EDNRB: variants seen among roughly 807,000 people sequenced by gnomAD.
EDNRB encodes Hirschsprung disease 2.
A neutral mutation model predicts 46.4 loss-of-function variants in EDNRB; 18 were observed. The observed-to-expected ratio is 0.39, with a 90% CI of 0.27 to 0.57. The LOEUF is 0.57. Among genes scored for constraint, EDNRB ranks in the 20% least tolerant of loss-of-function variants. The pLI is 0.61. For missense variants in EDNRB, 434 were observed against 537.5 expected (o/e 0.81, Z 1.90); for synonymous variants, 213 against 204.9 (o/e 1.04, Z -0.34).
intron 1 of EDNRB, among the ~76,000 whole-genome samples, chr13:77,904,912 G>A (rs376778346): frequency 6.6e-6 from 1 of 151,908 alleles, no homozygotes; most frequent in African/African-American, 2.4e-5. Flanking sequence ...AGACTCTACC[G>A]AGTTTGTCAA....
chr13:77,911,357 A>G (rs1360360714), intron 1 of EDNRB, among the ~76,000 whole-genome samples: 2 of 152,114 alleles, frequency 1.3e-5, no homozygotes, highest in African/African-American at 4.8e-5. Context: ...GGAGACTAAT[A>G]AGCTGTGATC....
At chr13:77,904,969 G>A (rs1879201867) in intron 1 of EDNRB, among the ~76,000 whole-genome samples, 1 of 151,952 alleles carries the variant, frequency 6.6e-6, no homozygotes, top group African/African-American at 2.4e-5. Flanking sequence ...AGGCTAAAAT[G>A]TTTGTCTCAT....
intron 1 of EDNRB, among the ~76,000 whole-genome samples, chr13:77,929,943 T>C (rs1880343043): frequency 6.6e-6 from 1 of 152,240 alleles, no homozygotes; most frequent in African/African-American, 2.4e-5. Context: ...TCATTTTTAC[T>C]AATATATGTT....
upstream of EDNRB, among the ~76,000 whole-genome samples, chr13:77,923,458 GCA>G (rs1265609936): frequency 6.6e-6 from 1 of 152,134 alleles, no homozygotes; most frequent in Non-Finnish European, 1.5e-5. Context: ...GTTTGTCAAT[GCA>G]CACTGTATTT....
At position 77,949,993 on chromosome 13, in the gene EDNRB, C is replaced by T. The variant is rs186197948; in HGVS notation, c.-52+25354G>A. On this transcript the variant is annotated intron_variant, in intron 1 of 7. Transcript: ENST00000646948. The stretch of plus-strand genomic sequence containing the variant: ...TACTCTGGATCTTGATCTGGAACTG[C>T]TATACCTCCTGCCTGATATATATCA... Among the ~76,000 whole-genome samples, 5 of 152,290 alleles carry T rather than the reference C, an allele frequency of 3.3e-5. No homozygotes were observed. The East Asian group carries it at 9.6e-4, about 29-fold the overall frequency.
At chr13:77,937,074 A>C (rs2137660255) in intron 1 of EDNRB, among the ~76,000 whole-genome samples, 1 of 152,318 alleles carries the variant, frequency 6.6e-6, no homozygotes, top group South Asian at 2.1e-4. Context: ...ATGCATATTA[A>C]GAATAAGGCG....
chr13:77,912,079 C>T (rs1379362130), intron 1 of EDNRB, among the ~76,000 whole-genome samples: 2 of 152,132 alleles, frequency 1.3e-5, no homozygotes, highest in Non-Finnish European at 2.9e-5. Context: ...AATTGAAGAA[C>T]ATGGCTCCCT....
chr13:77,949,340 C>T (rs1881022706), intron 1 of EDNRB, among the ~76,000 whole-genome samples: 1 of 152,196 alleles, frequency 6.6e-6, no homozygotes, highest in South Asian at 2.1e-4. Context: ...GAGCTTGGTA[C>T]TGCCCAATGC....
At chr13:77,962,500 A>G (rs1040359676) in intron 1 of EDNRB, among the ~76,000 whole-genome samples, 2 of 152,230 alleles carry the variant, frequency 1.3e-5, no homozygotes, top group Admixed American at 1.3e-4. Context: ...CAGCATATAA[A>G]CAGAACCAAA....
At chr13:77,905,856 C>A (rs775132102) in intron 1 of EDNRB, among the ~76,000 whole-genome samples, 4 of 151,928 alleles carry the variant, frequency 2.6e-5, no homozygotes, top group Non-Finnish European at 5.9e-5. Flanking sequence ...GAAGACTGAC[C>A]CAGCCCAAAT....
intron 1 of EDNRB, among the ~76,000 whole-genome samples, chr13:77,934,213 T>C (rs1200407480): frequency 6.6e-6 from 1 of 152,162 alleles, no homozygotes; most frequent in African/African-American, 2.4e-5. Context: ...GGAGCTTAAA[T>C]GGGCTGTACC....
intron 1 of EDNRB, among the ~76,000 whole-genome samples, chr13:77,945,723 C>T (rs1180599581): frequency 5.3e-5 from 8 of 152,108 alleles, no homozygotes; most frequent in Non-Finnish European, 8.8e-5. Context: ...TTGGAAGCCT[C>T]TGGCACCTAC....
chr13:77,919,342 C>T (rs757831108), upstream of EDNRB: 57 of 1,555,486 alleles, frequency 3.7e-5, no homozygotes, highest in Non-Finnish European at 4.8e-5. Flanking sequence ...AAACCGAAGC[C>T]CCAGAATAAG....
chr13:77,905,374 C>T (rs1008042890), intron 1 of EDNRB, among the ~76,000 whole-genome samples: 4 of 151,920 alleles, frequency 2.6e-5, no homozygotes, highest in African/African-American at 9.7e-5. Context: ...TTAAAAAACT[C>T]TCATATAACA....
At chr13:77,962,586 A>C (rs1881456078) in intron 1 of EDNRB, among the ~76,000 whole-genome samples, 1 of 152,046 alleles carries the variant, frequency 6.6e-6, no homozygotes, top group Non-Finnish European at 1.5e-5. Context: ...CATGCTAAAA[A>C]CTCTCAACAA....
In EDNRB at chr13:77,903,215, T is replaced by C. The variant is rs1879091616; in HGVS notation, c.742A>G (p.Lys248Glu). 4.3e-6 allele frequency: 7 copies of C among 1,612,922 alleles called. No individual in the cohort carries two copies. The highest frequency in any genetic ancestry group is 1.3e-5 in the African/African-American group (1 of 74,796). Residue 248 changes from lysine (K) to glutamate (E), a missense_variant, in exon 3 of 7, where the codon AAA (lysine) becomes GAA (glutamate). By Grantham distance (56) the Lys-to-Glu change is moderately conservative. Coordinates refer to ENST00000646607, the MANE Select transcript of EDNRB (RefSeq NM_001122659.3). ...IGFDIITMDYKGSYLRICLLH... is the reference protein window; with the variant it reads ...IGFDIITMDYEGSYLRICLLH... ...AAGCAGATTCGCAGATAACTTCCTT[T>C]GTAGTCCATCGTAATTATATCAAAA...
chr13:77,974,422 C>A (rs188177785), intron 1 of EDNRB, among the ~76,000 whole-genome samples: 2 of 152,116 alleles, frequency 1.3e-5, no homozygotes, highest in Non-Finnish European at 2.9e-5. Context: ...GGCCTCAGTG[C>A]TTTTGGGATA....
chr13:77,946,513 C>T (rs1880922273), intron 1 of EDNRB, among the ~76,000 whole-genome samples: 1 of 152,014 alleles, frequency 6.6e-6, no homozygotes, highest in East Asian at 1.9e-4. Flanking sequence ...AGTTGTTTTT[C>T]GTTCACTCTG....
chr13:77,954,738 C>T (rs61963149), intron 1 of EDNRB, among the ~76,000 whole-genome samples: 1 of 152,026 alleles, frequency 6.6e-6, no homozygotes, highest in Non-Finnish European at 1.5e-5. Context: ...AACTCCTGAC[C>T]TCAGGTAGTC....
Sources: allele counts gnomAD v4.1 joint callset (sites outside exome capture counted in the v4.1 genomes callset), GRCh38; gene constraint gnomAD v4.1.1; transcripts MANE v1.5; gene names NCBI Gene and HGNC (gene_info 2026-07-23, HGNC 2026-07-21).